Variants in PRUNE2 observed in about 807,000 individuals in gnomAD.
The protein encoded by PRUNE2 is protein prune homolog 2.
PRUNE2 carries 164 observed loss-of-function variants against 252.0 expected under a neutral mutation model. The ratio of observed to expected loss-of-function variants is 0.65; its 90% CI spans 0.57 to 0.74. The LOEUF is 0.74. PRUNE2 is among the 30% of genes least tolerant of loss of function. The pLI, the probability that PRUNE2 is intolerant of heterozygous loss-of-function variation, is 0.00. For synonymous variants in PRUNE2, 1,292 were observed against 1,350.2 expected, an observed-to-expected ratio of 0.96 and a Z score of 0.94; for missense variants, 3,495 against 3,711.0, an observed-to-expected ratio of 0.94 and a Z score of 1.51.
intron 1 of PRUNE2, 85 bp from the exon 2 acceptor site, chr9:76,854,293 C>T: frequency 1.5e-6 from 1 of 651,412 alleles, no homozygotes; most frequent in Non-Finnish European, 2.6e-6. Flanking sequence ...AAAAGTATGC[C>T]TTATCCATAT....
intron 4 of PRUNE2, 128 bp from the exon 5 acceptor site, chr9:76,826,860 C>T: frequency 1.4e-6 from 1 of 704,994 alleles, no homozygotes; most frequent in Non-Finnish European, 2.3e-6. Context: ...GACCAGAGTC[C>T]TCCACACGTA....
At chr9:76,774,454 T>TTTTATTTATTTATTTA (rs1284882050) in intron 6 of PRUNE2, among the ~76,000 whole-genome samples, 10 of 54,528 alleles carry the variant, frequency 1.8e-4, no homozygotes, top group African/African-American at 3.6e-4. Context: ...TCAACCCTTT[T>TTTTATTTATTTATTTA]TTTTTTTTTT....
At chr9:76,767,211 G>C (rs1440203590) in intron 6 of PRUNE2, among the ~76,000 whole-genome samples, 2 of 152,094 alleles carry the variant, frequency 1.3e-5, no homozygotes, top group Non-Finnish European at 2.9e-5. Context: ...CAGCACTTTG[G>C]GAGGCCGAGG....
Position 76,707,210 on chromosome 9 carries a change from A to G in PRUNE2, c.5064T>C (p.Asp1688=), listed in dbSNP as rs908127035. 4 of 1,613,992 alleles carry G rather than the reference A, an allele frequency of 2.5e-6. No homozygotes were observed. Residue 1688 remains aspartate, a synonymous_variant, in exon 8 of 19, where the codon GAT becomes GAC. Transcript: ENST00000376718. ...ARVISTSSGS[D]DDSVGGEESI... ...ACTCTTCACCACCGACACTGTCATC[A>G]TCAGAACCTGAGCTTGTTGAAATGA...
intron 9 of PRUNE2, among the ~76,000 whole-genome samples, chr9:76,660,568 G>C (rs1044243908): frequency 6.6e-6 from 1 of 152,016 alleles, no homozygotes; most frequent in East Asian, 1.9e-4. Flanking sequence ...TGGATCATGA[G>C]GTCAGGAGTT....
At chr9:76,853,232 A>G (rs1174271357) in intron 2 of PRUNE2, among the ~76,000 whole-genome samples, 1 of 152,210 alleles carries the variant, frequency 6.6e-6, no homozygotes, top group Non-Finnish European at 1.5e-5. Flanking sequence ...TGCCACCCAC[A>G]GCTCATTCTG....
At chr9:76,807,371 C>A (rs1262321448) in intron 6 of PRUNE2, among the ~76,000 whole-genome samples, 1 of 152,146 alleles carries the variant, frequency 6.6e-6, no homozygotes, top group African/African-American at 2.4e-5. Flanking sequence ...CAATGCCTGG[C>A]CTCGACCTCC....
rs1168512168 is a variant in PRUNE2 at position 76,708,863 on chromosome 9, G to A, written c.3411C>T (p.Asp1137=). 6.2e-7 allele frequency: 1 copy of A among 1,613,840 alleles called. No homozygotes were observed. The highest frequency in any genetic ancestry group is 1.3e-5 in the African/African-American group (1 of 74,916). The change falls in exon 8 of 19, where the codon GAC becomes GAT. Residue 1137 remains aspartate (D), a synonymous_variant. Transcript: ENST00000376718. ...CCGCACCCCCACTGCAGTCATCCCA[G>A]TCCAAATCATTGTCCATATCTGAGA... The part of the protein sequence containing the change: ...ATISDMDNDL[D]WDDCSGGAAI...
At chr9:76,636,972 A>AGT (rs367745600) in intron 14 of PRUNE2, among the ~76,000 whole-genome samples, 3,764 of 131,526 alleles carry the variant, frequency 0.029, 96 homozygotes, top group East Asian at 0.043. Context: ...CAACAACAAA[A>AGT]ATGTGTGTGT....
chr9:76,658,486 A>T (rs1263576050), intron 9 of PRUNE2, among the ~76,000 whole-genome samples: 2 of 152,236 alleles, frequency 1.3e-5, no homozygotes, highest in Non-Finnish European at 1.5e-5. Context: ...AAATACTTCA[A>T]CCACATTCAT....
intron 6 of PRUNE2, among the ~76,000 whole-genome samples, chr9:76,774,458 T>TTATTTATTTATTTATTTATTTATTTA (rs2053498967): frequency 1.8e-4 from 6 of 33,298 alleles, no homozygotes; most frequent in African/African-American, 9.3e-4. Context: ...CCCTTTTTTT[T>TTATTTATTTATTTATTTATTTATTTA]TTTTTTTTTT....
At chr9:76,733,085 T>C (rs1034496720) in intron 6 of PRUNE2, among the ~76,000 whole-genome samples, 1 of 152,194 alleles carries the variant, frequency 6.6e-6, no homozygotes, top group South Asian at 2.1e-4. Context: ...GAGTCATTTT[T>C]CTACCTGCTG....
rs569979243 is a variant in PRUNE2 at position 76,740,728 on chromosome 9, A to C, written c.757-27007T>G. Among the ~76,000 whole-genome samples the C allele has an allele frequency of 1.8e-3, 278 of 152,316 alleles. 1 individual carries two copies. The highest frequency in any genetic ancestry group is 6.4e-3 in the African/African-American group (267 of 41,578). Reference sequence around the variant, plus strand: ...TTTTATAATTAAAACATAAATTTTAATATTTAATTAGAATTCCCTCTTAGC... The same window carrying C: ...TTTTATAATTAAAACATAAATTTTACTATTTAATTAGAATTCCCTCTTAGC... On this transcript the variant is annotated intron_variant, in intron 6 of 18. Coordinates refer to ENST00000376718, the MANE Select transcript of PRUNE2 (RefSeq NM_015225.3).
intron 6 of PRUNE2, among the ~76,000 whole-genome samples, chr9:76,782,983 T>A (rs1302028551): frequency 6.6e-6 from 1 of 152,216 alleles, no homozygotes; most frequent in Admixed American, 6.5e-5. Flanking sequence ...AGATCTCTTC[T>A]AGCCTCCCCC....
At chr9:76,701,139 C>T (rs557339508) in intron 9 of PRUNE2, among the ~76,000 whole-genome samples, 102 of 152,260 alleles carry the variant, frequency 6.7e-4, no homozygotes, top group African/African-American at 2.4e-3. Context: ...TTCCTGATTC[C>T]GGAGGTCTGA....
At chr9:76,804,187 T>C (rs567260461) in intron 6 of PRUNE2, among the ~76,000 whole-genome samples, 1 of 152,248 alleles carries the variant, frequency 6.6e-6, no homozygotes, top group South Asian at 2.1e-4. Flanking sequence ...AGTCAGCACA[T>C]TTTTTTCACT....
chr9:76,789,826 T>C (rs938440399), intron 6 of PRUNE2, among the ~76,000 whole-genome samples: 20 of 152,178 alleles, frequency 1.3e-4, no homozygotes, highest in Non-Finnish European at 2.8e-4. Flanking sequence ...CGAATCTTCA[T>C]TAACATCTTG....
chr9:76,615,855 C>A (rs1177642934), intron 18 of PRUNE2, among the ~76,000 whole-genome samples: 2 of 146,058 alleles, frequency 1.4e-5, no homozygotes, highest in African/African-American at 5.1e-5. Flanking sequence ...CTGCAACCGC[C>A]GTCTCCTAGA....
chr9:76,691,833 G>C (rs889785996), intron 9 of PRUNE2: 10 of 492,280 alleles, frequency 2.0e-5, no homozygotes, highest in African/African-American at 2.0e-4. Flanking sequence ...TGATAGCCAA[G>C]AAAGGGGCGG....
Sources: gnomAD v4.1 joint callset for allele counts (sites outside exome capture counted in the v4.1 genomes callset) on GRCh38, gnomAD v4.1.1 for gene constraint, MANE v1.5 for transcripts, NCBI Gene and HGNC (gene_info 2026-07-23, HGNC 2026-07-21) for gene names.